The following SLCO3A1 variants were observed in gnomAD, a reference collection of about 807,000 sequenced individuals.
The protein encoded by SLCO3A1 is PGE1 transporter.
A neutral mutation model predicts 63.1 loss-of-function variants in SLCO3A1; 27 were observed. That is an observed-to-expected ratio of 0.43 (90% CI 0.32 to 0.59). The LOEUF is 0.59. Ranked by LOEUF, SLCO3A1 falls within the 20% of genes least tolerant of loss-of-function variation. The pLI is 0.09. For synonymous variants in SLCO3A1, 473 were observed against 409.9 expected, an observed-to-expected ratio of 1.15 and a Z score of -1.86; for missense variants, 773 against 945.8, an observed-to-expected ratio of 0.82 and a Z score of 2.40.
At position 91,853,890 on chromosome 15, in the gene SLCO3A1, CGGCGGCGGCGGG is replaced by C. The variant is rs1159267278; in HGVS notation, c.-16_-5del. On this transcript the variant is annotated 5_prime_UTR_variant, in exon 1 of 10. Transcript: ENST00000318445. Reference sequence around the variant, plus strand: ...GGGAAAGCGGCAGCGGCGGCGGCGGCGGCGGCGGCGGGGGAAGGATGCAGGGGAAGAAGCCGG... The same window carrying C: ...GGGAAAGCGGCAGCGGCGGCGGCGGCGGAAGGATGCAGGGGAAGAAGCCGG... 27 of 1,335,128 alleles carry C rather than the reference CGGCGGCGGCGGG, an allele frequency of 2.0e-5. No homozygotes were observed. The highest frequency in any genetic ancestry group is 2.6e-5 in the Non-Finnish European group (27 of 1,039,222). The allele number at this position is 1,335,128 out of a possible 1,614,324, so 82.7% of individuals were successfully genotyped here. A position where few individuals can be genotyped will look rare whatever the true frequency, so the allele number is the denominator to read the frequency against.
Position 91,854,307 on chromosome 15 carries a change from A to T in SLCO3A1, c.180+219A>T, listed in dbSNP as rs1446374338. 9.1e-7 allele frequency: 1 copy of T among 1,103,640 alleles called. No homozygotes were observed. The highest frequency in any genetic ancestry group is 1.1e-6 in the Non-Finnish European group (1 of 904,422). 68.4% of individuals were successfully genotyped at this position (1,103,640 alleles called of 1,614,324 possible). A position where few individuals can be genotyped will look rare whatever the true frequency, so the allele number is the denominator to read the frequency against. On this transcript the variant is annotated intron_variant, in intron 1 of 9. Transcript: ENST00000318445. This position sits in a 1 kb window ranked among gnomAD's most constrained non-coding sequence, Gnocchi z 6.4. Reference sequence around the variant, plus strand: ...GGGCGGGACCGTTGATGCCGGTAGCAGCTCGCGCGCGTCCGGCTGGGGCAG... The same window carrying T: ...GGGCGGGACCGTTGATGCCGGTAGCTGCTCGCGCGCGTCCGGCTGGGGCAG...
chr15:91,988,197 G>GT (rs1443482757), intron 2 of SLCO3A1, among the ~76,000 whole-genome samples: 1 of 152,016 alleles, frequency 6.6e-6, no homozygotes, highest in African/African-American at 2.4e-5. Flanking sequence ...GAGCTCAGGA[G>GT]TTTAAGACCA....
At chr15:92,138,608 C>A (rs1299715796) in intron 7 of SLCO3A1, among the ~76,000 whole-genome samples, 1 of 73,878 alleles carries the variant, frequency 1.4e-5, no homozygotes, top group Non-Finnish European at 2.3e-5. Context: ...TACCCATGAG[C>A]ATGGAATGTT....
intron 2 of SLCO3A1, among the ~76,000 whole-genome samples, chr15:91,947,710 T>C (rs911734313): frequency 2.6e-5 from 4 of 152,182 alleles, no homozygotes; most frequent in Non-Finnish European, 5.9e-5. Context: ...GGAGCAATAA[T>C]AGCTGAAGCC....
chr15:92,089,061 T>C (rs2047440314), intron 2 of SLCO3A1, among the ~76,000 whole-genome samples: 1 of 152,088 alleles, frequency 6.6e-6, no homozygotes, highest in Admixed American at 6.6e-5. Context: ...AGTCTGTCTC[T>C]GTCGCCCAGG....
At chr15:91,940,315 CA>C (rs1899575472) in intron 2 of SLCO3A1, among the ~76,000 whole-genome samples, 1 of 152,112 alleles carries the variant, frequency 6.6e-6, no homozygotes, top group Non-Finnish European at 1.5e-5. Context: ...CAATGTTTGC[CA>C]AGCCTGAGTC....
intron 2 of SLCO3A1, among the ~76,000 whole-genome samples, chr15:91,988,644 C>T (rs1276356509): frequency 6.6e-6 from 1 of 152,096 alleles, no homozygotes; most frequent in African/African-American, 2.4e-5. Context: ...TGTTCCACCA[C>T]AGATTGCTGG....
At position 92,051,522 on chromosome 15, in the gene SLCO3A1, G is replaced by T. The variant is rs545878606; in HGVS notation, c.647-43359G>T. The stretch of plus-strand genomic sequence containing the variant: ...TGAAAGTGTAATTGAGGGGTTTTTT[G>T]ATTTGGAATATTTTTATTCCAATTT... On this transcript the variant is annotated intron_variant, in intron 2 of 9. Coordinates refer to ENST00000318445, the MANE Select transcript of SLCO3A1 (RefSeq NM_013272.4). 7.2e-5 allele frequency among the ~76,000 whole-genome samples: 11 copies of T among 152,224 alleles called. No homozygotes were observed. The South Asian group carries it at 1.5e-3, about 20-fold the overall frequency.
At chr15:92,005,673 T>C (rs1178556027) in intron 2 of SLCO3A1, among the ~76,000 whole-genome samples, 2 of 152,042 alleles carry the variant, frequency 1.3e-5, no homozygotes, top group African/African-American at 4.8e-5. Flanking sequence ...CTGTGAGAAG[T>C]TGAGTTTGAG....
intron 8 of SLCO3A1, 97 bp from the exon 9 acceptor site, chr15:92,150,853 G>A (rs2151592898): frequency 1.3e-6 from 1 of 752,286 alleles, no homozygotes; most frequent in Non-Finnish European, 2.2e-6. Flanking sequence ...CTAAAGAAGA[G>A]CTCTGATGGA....
chr15:91,927,616 G>A (rs1328317300), intron 2 of SLCO3A1, among the ~76,000 whole-genome samples: 2 of 152,118 alleles, frequency 1.3e-5, no homozygotes, highest in Non-Finnish European at 2.9e-5. Context: ...CATTCTGATG[G>A]CTCTCCAAGG....
intron 9 of SLCO3A1, among the ~76,000 whole-genome samples, chr15:92,158,588 C>G (rs947035445): frequency 6.6e-6 from 1 of 152,206 alleles, no homozygotes; most frequent in African/African-American, 2.4e-5. Flanking sequence ...CACAGTCTCC[C>G]ATTTGTCTAT....
chr15:91,877,453 G>A (rs1030999290), intron 1 of SLCO3A1, among the ~76,000 whole-genome samples: 2 of 152,160 alleles, frequency 1.3e-5, no homozygotes, highest in Non-Finnish European at 1.5e-5. Flanking sequence ...ACAAGAAATC[G>A]CTATAAAGAC....
At chr15:92,021,468 C>T (rs2046508442) in intron 2 of SLCO3A1, among the ~76,000 whole-genome samples, 1 of 152,126 alleles carries the variant, frequency 6.6e-6, no homozygotes, top group Non-Finnish European at 1.5e-5. Flanking sequence ...TGCTTTCTGT[C>T]TTCTCTCACA....
At chr15:92,081,034 A>G (rs897956786) in intron 2 of SLCO3A1, among the ~76,000 whole-genome samples, 4 of 151,726 alleles carry the variant, frequency 2.6e-5, no homozygotes, top group African/African-American at 9.7e-5. Flanking sequence ...TGCAATAATC[A>G]CATCAAGGTA....
At position 92,165,068 on chromosome 15, in the gene SLCO3A1, G is replaced by A. The variant is rs2048482474; in HGVS notation, c.*1933G>A. On this transcript the variant is annotated 3_prime_UTR_variant, in exon 10 of 10. Coordinates refer to ENST00000318445, the MANE Select transcript of SLCO3A1 (RefSeq NM_013272.4). Reference sequence around the variant, plus strand: ...AAATGGTTGGGAGTGGGACAGGTATGGTACCGAATTTTTAATGAACATTGT... The same window carrying A: ...AAATGGTTGGGAGTGGGACAGGTATAGTACCGAATTTTTAATGAACATTGT... The A allele has an allele frequency of 4.1e-6, 4 of 985,260 alleles. No homozygotes were observed. The African/African-American group carries it at 5.2e-5, about 13-fold the overall frequency. 61.0% of individuals were successfully genotyped at this position (985,260 alleles called of 1,614,324 possible).
chr15:91,853,817 C>T lies in SLCO3A1; in HGVS notation c.-92C>T. 1 of 1,133,708 alleles carries T rather than the reference C, an allele frequency of 8.8e-7. No homozygotes were observed. Among genetic ancestry groups the T allele is most frequent in the Non-Finnish European group, 1.1e-6 (1 of 927,400 alleles). The allele number at this position is 1,133,708 out of a possible 1,614,324, so 70.2% of individuals were successfully genotyped here. A position where few individuals can be genotyped will look rare whatever the true frequency, so the allele number is the denominator to read the frequency against. ...CCGGGGCGGGGACAGCACGCAGCCTCGAGGCGCGCACCCCCGCCCGGCAGC... is the reference window on the plus strand; with the variant it reads ...CCGGGGCGGGGACAGCACGCAGCCTTGAGGCGCGCACCCCCGCCCGGCAGC... On this transcript the variant is annotated 5_prime_UTR_variant, in exon 1 of 10. Coordinates refer to ENST00000318445, the MANE Select transcript of SLCO3A1 (RefSeq NM_013272.4).
chr15:92,030,764 A>T (rs951164819), intron 2 of SLCO3A1, among the ~76,000 whole-genome samples: 3 of 152,090 alleles, frequency 2.0e-5, no homozygotes, highest in African/African-American at 7.2e-5. Flanking sequence ...GCCATGCCTC[A>T]CCTGTGCTTC....
chr15:91,998,675 T>C (rs901804939), intron 2 of SLCO3A1, among the ~76,000 whole-genome samples: 1 of 152,214 alleles, frequency 6.6e-6, no homozygotes, highest in Non-Finnish European at 1.5e-5. Context: ...AAGGGAATGC[T>C]TATACACTGT....
Sources: allele counts gnomAD v4.1 joint callset (sites outside exome capture counted in the v4.1 genomes callset), GRCh38; gene constraint gnomAD v4.1.1; non-coding constraint Gnocchi (gnomAD v3.1); transcripts MANE v1.5; gene names NCBI Gene and HGNC (gene_info 2026-07-23, HGNC 2026-07-21).